DNMT3A: variants seen among roughly 807,000 people sequenced by gnomAD.
DNMT3A encodes DNA (cytosine-5)-methyltransferase 3A.
A neutral mutation model predicts 117.6 loss-of-function variants in DNMT3A; 267 were observed. That is an observed-to-expected ratio of 2.27 (90% CI 2.05 to 2.51). The LOEUF (loss-of-function observed/expected upper bound fraction) is 2.51. Among genes scored for constraint, DNMT3A ranks in the 30% most tolerant of loss-of-function variants. DNMT3A has a pLI of 0.00. For missense variants in DNMT3A, 1,029 were observed against 1,260.2 expected (o/e 0.82, Z 2.78); for synonymous variants, 432 against 474.8 (o/e 0.91, Z 1.17).
At chr2:25,320,672 A>G (rs998088455) in intron 1 of DNMT3A, among the ~76,000 whole-genome samples, 19 of 152,202 alleles carry the variant, frequency 1.2e-4, no homozygotes, top group Non-Finnish European at 2.5e-4. Flanking sequence ...AGAAACTATT[A>G]CAGTGCACCA....
In DNMT3A at chr2:25,240,662, G is replaced by A. The variant is rs141216815; in HGVS notation, c.2151C>T (p.Asn717=). Residue 717 remains asparagine (N), a synonymous_variant, in exon 18 of 23, where the codon AAC becomes AAT. Coordinates refer to ENST00000321117, the MANE Select transcript of DNMT3A (RefSeq NM_022552.5). ...TACCGTAGAGGCCCTTGCGAGCAGG[G>A]TTGACGATGGAGAGGTCATTGCAGG... ...GSPCNDLSIV[N]PARKGLYEGT... 1,475 of 1,614,262 alleles carry A rather than the reference G, an allele frequency of 9.1e-4. 1 individual carries two copies. The highest frequency in any genetic ancestry group is 1.5e-3 in the South Asian group (136 of 91,080).
chr2:25,281,631 G>A lies in DNMT3A; in HGVS notation c.448+810C>T. 1 of 1,065,150 alleles carries A rather than the reference G, an allele frequency of 9.4e-7. No homozygotes were observed. Among genetic ancestry groups the A allele is most frequent in the Non-Finnish European group, 1.1e-6 (1 of 879,136 alleles). The allele number at this position is 1,065,150 out of a possible 1,614,324, so 66.0% of individuals were successfully genotyped here. ...AAACAACCTGGCAGGGCCCTGGGAG[G>A]ATCAAATGTGATAATGTATGAGAAA... On this transcript the variant is annotated intron_variant, in intron 4 of 22. Transcript: ENST00000321117. This position sits in a 1 kb window ranked among gnomAD's most constrained non-coding sequence, Gnocchi z 4.8.
Position 25,233,400 on chromosome 2 carries a change from C to T in DNMT3A, c.*879G>A, listed in dbSNP as rs905459753. Reference sequence around the variant, plus strand: ...TGGAAGCTGATGTTTTTACTCATCTCGCTGTTTGAAAGCACCATTATGAAG... The same window carrying T: ...TGGAAGCTGATGTTTTTACTCATCTTGCTGTTTGAAAGCACCATTATGAAG... On this transcript the variant is annotated 3_prime_UTR_variant, in exon 23 of 23. Coordinates refer to ENST00000321117, the MANE Select transcript of DNMT3A (RefSeq NM_022552.5). The T allele has an allele frequency of 1.3e-5, 3 of 233,532 alleles. No individual in the cohort carries two copies. The highest frequency in any genetic ancestry group is 8.5e-6 in the Non-Finnish European group (1 of 118,020). 14.5% of individuals were successfully genotyped at this position (233,532 alleles called of 1,614,324 possible).
chr2:25,234,106 A>G lies in DNMT3A; in HGVS notation c.*173T>C. ...GGAGATGATGTCCAACCCTTTTCGC[A>G]AGGCAAAGCCCTCCGGTATTTCCGC... On this transcript the variant is annotated 3_prime_UTR_variant, in exon 23 of 23. Transcript: ENST00000321117. The surrounding 1 kb of genome is among the most constrained non-coding windows in gnomAD (Gnocchi z 4.5). The G allele has an allele frequency of 9.6e-7, 1 of 1,047,112 alleles. No individual in the cohort carries two copies. The highest frequency in any genetic ancestry group is 1.3e-6 in the Non-Finnish European group (1 of 770,442). The allele number at this position is 1,047,112 out of a possible 1,614,324, so 64.9% of individuals were successfully genotyped here. A position where few individuals can be genotyped will look rare whatever the true frequency, so the allele number is the denominator to read the frequency against.
chr2:25,234,499 G>A lies in DNMT3A; in HGVS notation c.2598-79C>T. The A allele has an allele frequency of 6.7e-7, 1 of 1,484,220 alleles. No individual in the cohort carries two copies. Among genetic ancestry groups the A allele is most frequent in the Non-Finnish European group, 9.0e-7 (1 of 1,108,144 alleles). The allele number at this position is 1,484,220 out of a possible 1,614,324, so 91.9% of individuals were successfully genotyped here. A position where few individuals can be genotyped will look rare whatever the true frequency, so the allele number is the denominator to read the frequency against. ...CCGGAAGCCGTCTAACCACACAGCA[G>A]GACCCGGAGGACCAGCAGCCACCCG... On this transcript the variant is annotated intron_variant, in intron 22 of 22. Coordinates refer to ENST00000321117, the MANE Select transcript of DNMT3A (RefSeq NM_022552.5). This position sits in a 1 kb window ranked among gnomAD's most constrained non-coding sequence, Gnocchi z 4.5.
intron 1 of DNMT3A, chr2:25,314,776 C>G: frequency 2.2e-6 from 2 of 909,610 alleles, no homozygotes; most frequent in Middle Eastern, 5.7e-4. Context: ...CACGGCCACA[C>G]TGAGGCAGGA....
Position 25,300,195 on chromosome 2 carries a change from G to T in DNMT3A, c.121C>A (p.Pro41Thr). Residue 41 changes from proline to threonine, a missense_variant, in exon 3 of 23, where the codon CCC becomes ACC. Transcript: ENST00000321117. ...CCCACCTTCCGTGCCGTGGTGCTGG[G>T]CTCTTGGCGCTCCTCCTTGCCACGC... ...EPRGKEERQE[P>T]STTARKVGRP... 6.2e-7 allele frequency: 1 copy of T among 1,612,150 alleles called. No individual in the cohort carries two copies.
At chr2:25,284,645 TAAAAAAAAAAAA>T (rs56901099) in intron 3 of DNMT3A, among the ~76,000 whole-genome samples, 14 of 16,646 alleles carry the variant, frequency 8.4e-4, no homozygotes, top group East Asian at 3.3e-3. Flanking sequence ...AGACTCCATC[TAAAAAAAAAAAA>T]AAAAAAAAAA....
At chr2:25,341,442 C>T (rs2035445962) in intron 1 of DNMT3A, among the ~76,000 whole-genome samples, 1 of 145,606 alleles carries the variant, frequency 6.9e-6, no homozygotes. Context: ...GCCGGGGCCC[C>T]TGCGGCAGCG....
Position 25,235,728 on chromosome 2 carries a change from AAGAT to A in DNMT3A, c.2572_2575del (p.Ile858TyrfsTer22). 1 of 1,614,052 alleles carries A rather than the reference AAGAT, an allele frequency of 6.2e-7. No homozygotes were observed. The highest frequency in any genetic ancestry group is 1.1e-5 in the South Asian group (1 of 91,074). ...GTACCTTTCCATTTCAGTGCACCAT[AAGAT>A]GTCCTCTTTCTCATTCATGAAGACA... On this transcript the variant is annotated frameshift_variant, in exon 22 of 23. Coordinates refer to ENST00000321117, the MANE Select transcript of DNMT3A (RefSeq NM_022552.5). LOFTEE classifies it high-confidence loss of function.
At chr2:25,297,287 C>T (rs1011918386) in intron 3 of DNMT3A, among the ~76,000 whole-genome samples, 8 of 152,130 alleles carry the variant, frequency 5.3e-5, no homozygotes, top group Non-Finnish European at 1.2e-4. Context: ...TACCATGCTC[C>T]TCCTCACCCT....
chr2:25,308,027 G>C (rs1170105024), intron 2 of DNMT3A, among the ~76,000 whole-genome samples: 1 of 152,182 alleles, frequency 6.6e-6, no homozygotes, highest in Non-Finnish European at 1.5e-5. Context: ...GACCCAAAGA[G>C]AGACAACATT....
rs185123404 is a variant in DNMT3A, at chr2:25,338,911, G to C, written c.-178+2915C>G. ...GCTTACTGTGAATTGGACTTGAAAA[G>C]GAAACCTCAGAAATTATCCACACAC... is the stretch of plus-strand genomic sequence containing the variant. On this transcript the variant is annotated intron_variant, in intron 1 of 22. Transcript: ENST00000321117. Among the ~76,000 whole-genome samples the C allele has an allele frequency of 1.1e-4, 17 of 152,248 alleles. No homozygotes were observed. The East Asian group carries it at 3.3e-3, about 29-fold the overall frequency.
chr2:25,244,360 AGAG>A, intron 14 of DNMT3A, 22 bp from the exon 15 acceptor site: 1 of 1,588,786 alleles, frequency 6.3e-7, no homozygotes, highest in Non-Finnish European at 8.6e-7. Flanking sequence ...CCCAGTGAGC[AGAG>A]GAGACTCTCA....
At position 25,243,899 on chromosome 2, in the gene DNMT3A, T is replaced by C. The variant is rs1166765403; in HGVS notation, c.1935A>G (p.Thr645=). The change falls in exon 16 of 23, where the codon ACA becomes ACG. Residue 645 remains threonine, a splice_region_variant and synonymous_variant. Transcript: ENST00000321117. ...RVLSLFDGIA[T]GLLVLKDLGI... Reference sequence around the variant, plus strand: ...ACCTCTTGGGCCTGCACCCCTCACCTGTAGCGATTCCATCAAAGAGAGACA... The same window carrying C: ...ACCTCTTGGGCCTGCACCCCTCACCCGTAGCGATTCCATCAAAGAGAGACA... 6.4e-7 allele frequency: 1 copy of C among 1,551,880 alleles called. No individual in the cohort carries two copies. Among genetic ancestry groups the C allele is most frequent in the Non-Finnish European group, 8.7e-7 (1 of 1,147,008 alleles).
Position 25,241,651 on chromosome 2 carries a change from C to A in DNMT3A, c.1993G>T (p.Val665Leu), listed in dbSNP as rs766020170. ...IQVDRYIASEVCEDSITVGMV... is the reference protein window; with the variant it reads ...IQVDRYIASELCEDSITVGMV... The stretch of plus-strand genomic sequence containing the variant: ...CCCACCGTGATGGAGTCCTCACACA[C>A]CTCCGAGGCAATGTAGCGGTCCACC... The change falls in exon 17 of 23, where the codon GTG (valine) becomes TTG (leucine). Residue 665 changes from valine (V) to leucine (L), a missense_variant. By Grantham distance (32) the Val-to-Leu change is conservative. Transcript: ENST00000321117. The A allele has an allele frequency of 6.2e-7, 1 of 1,614,170 alleles. No homozygotes were observed. Among genetic ancestry groups the A allele is most frequent in the Non-Finnish European group, 8.5e-7 (1 of 1,180,026 alleles).
In DNMT3A at chr2:25,298,908, C is replaced by T. The variant is rs1168229005; in HGVS notation, c.177+1231G>A. On this transcript the variant is annotated intron_variant, in intron 3 of 22. Coordinates refer to ENST00000321117, the MANE Select transcript of DNMT3A (RefSeq NM_022552.5). This position sits in a 1 kb window ranked among gnomAD's most constrained non-coding sequence, Gnocchi z 4.3. ...GGTGCATCTCAGTACACAGCAGGTT[C>T]CCACACCCCCCACCTCCAGGAACTC... 6.6e-6 allele frequency among the ~76,000 whole-genome samples: 1 copy of T among 151,748 alleles called. No homozygotes were observed. The highest frequency in any genetic ancestry group is 6.6e-5 in the Admixed American group (1 of 15,244).
chr2:25,278,042 C>CACACACACACAAAACAG (rs150400657), intron 4 of DNMT3A, among the ~76,000 whole-genome samples: 1 of 146,294 alleles, frequency 6.8e-6, no homozygotes, highest in Non-Finnish European at 1.5e-5. Context: ...CACACACAGA[C>CACACACACACAAAACAG]ACACACGCTT....
At chr2:25,240,502 T>C (rs1286821409) in intron 18 of DNMT3A, 52 bp from the exon 19 acceptor site, 4 of 1,581,576 alleles carry the variant, frequency 2.5e-6, no homozygotes, top group African/African-American at 2.7e-5. Flanking sequence ...CATAGGACAG[T>C]GGTGTGGCTC....
Sources: allele counts gnomAD v4.1 joint callset (sites outside exome capture counted in the v4.1 genomes callset), GRCh38; gene constraint gnomAD v4.1.1; non-coding constraint Gnocchi (gnomAD v3.1); transcripts MANE v1.5; gene names NCBI Gene and HGNC (gene_info 2026-07-23, HGNC 2026-07-21).